Variants in SUSD1 observed in about 807,000 individuals in gnomAD.
SUSD1 encodes the protein sushi domain-containing protein 1.
A neutral mutation model predicts 86.9 loss-of-function variants in SUSD1; 65 were observed. That is an observed-to-expected ratio of 0.75 (90% confidence interval 0.61 to 0.92). The LOEUF (loss-of-function observed/expected upper bound fraction) is 0.92, where lower values mean the gene tolerates loss of function less well. Among genes scored for constraint, SUSD1 ranks in the 40% least tolerant of loss-of-function variants. The pLI is 0.00. For synonymous variants in SUSD1, 346 were observed against 350.0 expected (o/e 0.99, Z 0.13); for missense variants, 850 against 929.7 (o/e 0.91, Z 1.11).
intron 12 of SUSD1, among the ~76,000 whole-genome samples, chr9:112,072,326 T>C (rs1829320249): frequency 6.6e-6 from 1 of 151,892 alleles, no homozygotes; most frequent in South Asian, 2.1e-4. Flanking sequence ...TTTTTGTATT[T>C]TTAGTAGAGA....
chr9:112,078,560 G>T lies in SUSD1; in HGVS notation c.1731C>A (p.Ile577=). The T allele has an allele frequency of 6.2e-7, 1 of 1,611,474 alleles. No individual in the cohort carries two copies. Among genetic ancestry groups the T allele is most frequent in the South Asian group, 1.1e-5 (1 of 91,016 alleles). The change falls in exon 12 of 17, where the codon ATC becomes ATA. Residue 577 remains isoleucine, a synonymous_variant. Transcript: ENST00000374270. ...TACCTGTTATCTGGGTTGTCAGGGA[G>T]ATGACCACAGGAAGTTCCGAAGACA... ...RALSSELPVV[I]SLTTQITEPP... is the part of the protein sequence containing the mutation.
At chr9:112,052,235 T>A (rs1828245766) in intron 15 of SUSD1, 164 bp downstream of exon 15, 2 of 1,536,372 alleles carry the variant, frequency 1.3e-6, no homozygotes, top group East Asian at 4.9e-5. Flanking sequence ...TCCCATCCAC[T>A]CACCCTCCTC....
At position 112,081,792 on chromosome 9, in the gene SUSD1, T is replaced by C. The variant is rs192494810; in HGVS notation, c.1475-1627A>G. On this transcript the variant is annotated intron_variant, in intron 10 of 16. Transcript: ENST00000374270. ...GTAGTACATTCAAAGAACAATACACTACGACCAAAGATTTATTCCCAGAAT... is the reference window on the plus strand; with the variant it reads ...GTAGTACATTCAAAGAACAATACACCACGACCAAAGATTTATTCCCAGAAT... Among the ~76,000 whole-genome samples the C allele has an allele frequency of 1.1e-4, 16 of 152,330 alleles. No homozygotes were observed. In the East Asian group the frequency reaches 2.9e-3, roughly 27 times the overall value.
intron 9 of SUSD1, among the ~76,000 whole-genome samples, chr9:112,099,939 A>G (rs1205899701): frequency 6.6e-6 from 1 of 152,114 alleles, no homozygotes; most frequent in Non-Finnish European, 1.5e-5. Flanking sequence ...AATGCTATGA[A>G]CTTCCTTCAC....
intron 6 of SUSD1, among the ~76,000 whole-genome samples, chr9:112,122,115 C>T (rs916378638): frequency 5.3e-5 from 8 of 152,202 alleles, no homozygotes; most frequent in Non-Finnish European, 8.8e-5. Context: ...AATGCCTGGC[C>T]TAATGACACA....
chr9:112,112,118 C>T (rs1589672219), intron 7 of SUSD1: 1 of 309,186 alleles, frequency 3.2e-6, no homozygotes, highest in African/African-American at 2.1e-5. Context: ...ATTGGCTGCA[C>T]TCTGTCACCA....
Position 112,132,326 on chromosome 9 carries a change from T to C in SUSD1, c.707-7890A>G, listed in dbSNP as rs1832067910. ...TTTTGCCAACTGCCAGGGGAATTAA[T>C]GATAGACCTATTCCACTTATTGATA... is the stretch of plus-strand genomic sequence containing the variant. On this transcript the variant is annotated intron_variant, in intron 5 of 16. Transcript: ENST00000374270. Among the ~76,000 whole-genome samples the C allele has an allele frequency of 2.0e-5, 3 of 152,218 alleles. No homozygotes were observed. The South Asian group carries it at 6.2e-4, about 32-fold the overall frequency.
intron 12 of SUSD1, among the ~76,000 whole-genome samples, chr9:112,069,516 C>T (rs2195577): frequency 6.6e-6 from 1 of 152,174 alleles, no homozygotes; most frequent in South Asian, 2.1e-4. Flanking sequence ...ACCCCTTCCC[C>T]TTTGAGATCG....
chr9:112,114,181 A>G (rs1831217196), intron 6 of SUSD1, among the ~76,000 whole-genome samples: 2 of 152,028 alleles, frequency 1.3e-5, no homozygotes, highest in Admixed American at 6.5e-5. Context: ...TTTCATTTAC[A>G]ATACTATCAA....
At chr9:112,149,143 C>T (rs1476005997) in intron 3 of SUSD1, 101 bp downstream of exon 3, 8 of 1,479,062 alleles carry the variant, frequency 5.4e-6, no homozygotes, top group Non-Finnish European at 7.4e-6. Context: ...ATTATGCCAT[C>T]TAACAAAACT....
intron 12 of SUSD1, among the ~76,000 whole-genome samples, chr9:112,069,811 G>A (rs150480512): frequency 2.6e-5 from 4 of 151,778 alleles, no homozygotes; most frequent in African/African-American, 9.7e-5. Flanking sequence ...CTCAGAAGAG[G>A]CAACTGCAGA....
intron 1 of SUSD1, among the ~76,000 whole-genome samples, chr9:112,158,585 T>G (rs1564351042): frequency 6.6e-6 from 1 of 152,002 alleles, no homozygotes; most frequent in Non-Finnish European, 1.5e-5. Flanking sequence ...ACAGATGGGG[T>G]CTCCCTATGT....
At chr9:112,165,924 A>AG (rs10622702) in intron 1 of SUSD1, among the ~76,000 whole-genome samples, 6 of 83,320 alleles carry the variant, frequency 7.2e-5, no homozygotes, top group African/African-American at 3.6e-4. Flanking sequence ...GAAGAAAGAA[A>AG]AGAAAGAAAG....
rs1308524857 is a variant in SUSD1 at position 112,052,034 on chromosome 9, G to A, written c.2149+365C>T. On this transcript the variant is annotated intron_variant, in intron 15 of 16. Coordinates refer to ENST00000374270, the MANE Select transcript of SUSD1 (RefSeq NM_022486.5). Reference sequence around the variant, plus strand: ...AAAGCTATGTTTTCCCAGTGAAATCGGTAAGCTGCGGGAGCTTGCCATCAC... The same window carrying A: ...AAAGCTATGTTTTCCCAGTGAAATCAGTAAGCTGCGGGAGCTTGCCATCAC... 28 of 730,362 alleles carry A rather than the reference G, an allele frequency of 3.8e-5. No individual in the cohort carries two copies. The Admixed American group carries it at 5.1e-4, about 13-fold the overall frequency. The allele number at this position is 730,362 out of a possible 1,614,324, so 45.2% of individuals were successfully genotyped here.
intron 5 of SUSD1, among the ~76,000 whole-genome samples, chr9:112,139,343 T>C (rs1489617442): frequency 2.0e-5 from 3 of 152,094 alleles, no homozygotes; most frequent in Non-Finnish European, 2.9e-5. Flanking sequence ...GCAAATATAA[T>C]CCAAATGAAA....
At chr9:112,047,784 G>A (rs190944895) in intron 15 of SUSD1, among the ~76,000 whole-genome samples, 4 of 152,208 alleles carry the variant, frequency 2.6e-5, no homozygotes, top group Non-Finnish European at 5.9e-5. Context: ...GTATATACCT[G>A]CTGGCTTTTC....
rs755638986 is a variant in SUSD1 at position 112,142,460 on chromosome 9, T to C, written c.566A>G (p.Tyr189Cys). The C allele has an allele frequency of 1.9e-6, 3 of 1,613,846 alleles. No individual in the cohort carries two copies. The highest frequency in any genetic ancestry group is 1.1e-5 in the South Asian group (1 of 91,042). ...CGTPPEVPDGYIIGNYTSSLG... is the reference protein window; with the variant it reads ...CGTPPEVPDGCIIGNYTSSLG... ...ACTAGACGTATAATTTCCTATGATA[T>C]AGCCATCTGGAACCTCAGGAGGGGT... The change falls in exon 5 of 17, where the codon TAT (tyrosine) becomes TGT (cysteine). Residue 189 changes from tyrosine to cysteine, a missense_variant. Tyr to Cys is a radical substitution (Grantham distance 194). Transcript: ENST00000374270.
chr9:112,044,690 T>G (rs1054424354), intron 15 of SUSD1, among the ~76,000 whole-genome samples: 6 of 152,188 alleles, frequency 3.9e-5, no homozygotes, highest in Non-Finnish European at 8.8e-5. Context: ...AGACTTAAAT[T>G]GAAACCTAAA....
At chr9:112,041,814 A>G (rs1462385802) in intron 16 of SUSD1, 53 bp downstream of exon 16, 1 of 1,552,194 alleles carries the variant, frequency 6.4e-7, no homozygotes, top group Non-Finnish European at 8.8e-7. Context: ...CGTGACTCTG[A>G]CCCATCCTCC....
Sources: gnomAD v4.1 joint callset for allele counts (sites outside exome capture counted in the v4.1 genomes callset) on GRCh38, gnomAD v4.1.1 for gene constraint, MANE v1.5 for transcripts, NCBI Gene and HGNC (gene_info 2026-07-23, HGNC 2026-07-21) for gene names.